The following FSD1L variants were observed in gnomAD, a reference collection of about 807,000 sequenced individuals.
FSD1L encodes FSD1-like protein.
Under a neutral mutation model 71.6 loss-of-function variants are expected in FSD1L, and 45 were observed. The ratio of observed to expected loss-of-function variants is 0.63; its 90% CI spans 0.49 to 0.81. The LOEUF (loss-of-function observed/expected upper bound fraction) is 0.81, where lower values mean the gene tolerates loss of function less well. Ranked by LOEUF, FSD1L falls within the 30% of genes least tolerant of loss-of-function variation. The pLI is 0.00. For synonymous variants in FSD1L, 197 were observed against 207.2 expected (o/e 0.95, Z 0.42); for missense variants, 561 against 618.1 (o/e 0.91, Z 0.98).
At chr9:105,494,801 G>C (rs1297720038) in intron 7 of FSD1L, among the ~76,000 whole-genome samples, 1 of 152,170 alleles carries the variant, frequency 6.6e-6, no homozygotes, top group Admixed American at 6.5e-5. Context: ...AGCAGCGGTG[G>C]CTGCAGAACA....
chr9:105,517,772 C>T (rs764333088), intron 10 of FSD1L, among the ~76,000 whole-genome samples: 18 of 152,186 alleles, frequency 1.2e-4, no homozygotes, highest in Non-Finnish European at 2.4e-4. Flanking sequence ...AAATAACCAG[C>T]TAGCATTATA....
At chr9:105,489,189 A>C (rs1003478876) in intron 7 of FSD1L, among the ~76,000 whole-genome samples, 3 of 152,162 alleles carry the variant, frequency 2.0e-5, no homozygotes, top group Middle Eastern at 3.2e-3. Flanking sequence ...CAGGTATACA[A>C]ATATAGCCAA....
intron 1 of FSD1L, among the ~76,000 whole-genome samples, chr9:105,460,770 A>G (rs1830641257): frequency 6.6e-6 from 1 of 152,112 alleles, no homozygotes; most frequent in Non-Finnish European, 1.5e-5. Context: ...TTTGACGTGG[A>G]CATTTGCACT....
At chr9:105,543,166 C>T (rs920864166) in intron 13 of FSD1L, among the ~76,000 whole-genome samples, 4 of 151,984 alleles carry the variant, frequency 2.6e-5, no homozygotes, top group African/African-American at 9.7e-5. Flanking sequence ...TTTCACAGTT[C>T]AGTAGATTCT....
In FSD1L at chr9:105,490,261, G is replaced by A. The variant is rs548041197; in HGVS notation, c.586+5759G>A. 4.1e-4 allele frequency among the ~76,000 whole-genome samples: 62 copies of A among 152,210 alleles called. 1 individual carries two copies. The highest frequency in any genetic ancestry group is 6.5e-4 in the Non-Finnish European group (44 of 67,988). Reference sequence around the variant, plus strand: ...TACATTTCTCTGATGGCCAGTGATGGTGAGCATTTTTTCATGTGTCTGTTG... The same window carrying A: ...TACATTTCTCTGATGGCCAGTGATGATGAGCATTTTTTCATGTGTCTGTTG... On this transcript the variant is annotated intron_variant, in intron 7 of 13. Coordinates refer to ENST00000481272, the MANE Select transcript of FSD1L (RefSeq NM_001145313.3).
rs894395586 is a variant in FSD1L at position 105,526,476 on chromosome 9, A to G, written c.1026-8017A>G. 122 of 1,612,358 alleles carry G rather than the reference A, an allele frequency of 7.6e-5. No individual in the cohort carries two copies. The African/African-American group carries it at 1.5e-3, about 19-fold the overall frequency. ...TCTCCAATGTCTCCTCGAACTAGCAAAAGCCGCATGTCCATGAAGCTGCGT... is the reference window on the plus strand; with the variant it reads ...TCTCCAATGTCTCCTCGAACTAGCAGAAGCCGCATGTCCATGAAGCTGCGT... On this transcript the variant is annotated intron_variant, in intron 10 of 13. Coordinates refer to ENST00000481272, the MANE Select transcript of FSD1L (RefSeq NM_001145313.3).
intron 10 of FSD1L, among the ~76,000 whole-genome samples, chr9:105,531,658 G>A (rs952954483): frequency 1.1e-4 from 17 of 152,328 alleles, no homozygotes; most frequent in Middle Eastern, 3.4e-3. Flanking sequence ...GGTGGAGGAA[G>A]ATTAATGTGC....
Position 105,453,506 on chromosome 9 carries a change from T to C in FSD1L, c.15+5271T>C, listed in dbSNP as rs1278646075. 5.3e-5 allele frequency among the ~76,000 whole-genome samples: 8 copies of C among 152,054 alleles called. No individual in the cohort carries two copies. In the East Asian group the frequency reaches 1.5e-3, roughly 29 times the overall value. On this transcript the variant is annotated intron_variant, in intron 1 of 13. Transcript: ENST00000481272. ...ACTATTTTTATTTTGTGTGTGTGTG[T>C]GTGTGCGTGTGTGTGCATGTCTGTC... is the stretch of plus-strand genomic sequence containing the variant.
At chr9:105,523,371 T>C (rs1208109396) in intron 10 of FSD1L, 8 of 1,604,944 alleles carry the variant, frequency 5.0e-6, no homozygotes, top group Non-Finnish European at 6.8e-6. Context: ...AATTAGTGAA[T>C]TTCCATCAGA....
intron 12 of FSD1L, among the ~76,000 whole-genome samples, chr9:105,536,902 GCAGGGATTACTGC>G (rs1025730206): frequency 1.3e-5 from 2 of 152,154 alleles, no homozygotes; most frequent in African/African-American, 4.8e-5. Flanking sequence ...CTCCCAAAGT[GCAGGGATTACTGC>G]CATGAGCCAC....
chr9:105,465,932 C>T (rs1330479091), intron 3 of FSD1L, among the ~76,000 whole-genome samples: 1 of 151,722 alleles, frequency 6.6e-6, no homozygotes, highest in Non-Finnish European at 1.5e-5. Context: ...AGTGCAATGC[C>T]GCAGTCTCAG....
intron 7 of FSD1L, among the ~76,000 whole-genome samples, chr9:105,490,971 A>G (rs1355734912): frequency 6.7e-6 from 1 of 149,568 alleles, no homozygotes; most frequent in African/African-American, 2.5e-5. Context: ...TTGGCTTAGG[A>G]TTGACTTGGC....
At chr9:105,495,044 C>G (rs1488661724) in intron 7 of FSD1L, among the ~76,000 whole-genome samples, 2 of 151,972 alleles carry the variant, frequency 1.3e-5, no homozygotes, top group Non-Finnish European at 2.9e-5. Context: ...CTGTCAGGGA[C>G]ATTGAAGTCT....
At position 105,448,097 on chromosome 9, in the gene FSD1L, C is replaced by A; in HGVS notation, c.-124C>A. 9.0e-7 allele frequency: 1 copy of A among 1,107,158 alleles called. No individual in the cohort carries two copies. The highest frequency in any genetic ancestry group is 1.3e-6 in the Non-Finnish European group (1 of 755,908). 68.6% of individuals were successfully genotyped at this position (1,107,158 alleles called of 1,614,324 possible). On this transcript the variant is annotated 5_prime_UTR_variant, in exon 1 of 14. Coordinates refer to ENST00000481272, the MANE Select transcript of FSD1L (RefSeq NM_001145313.3). ...CGGTCTGGGCGCGGACGGGTGGGGC[C>A]GGGCGGTGCCGGTGCGGGCTGGGGC...
rs142327663 is a variant in FSD1L at position 105,538,454 on chromosome 9, A to G, written c.1379-809A>G. Among the ~76,000 whole-genome samples the G allele has an allele frequency of 3.8e-3, 574 of 152,320 alleles. 6 individuals carry two copies. Among genetic ancestry groups the G allele is most frequent in the African/African-American group, 0.013 (542 of 41,576 alleles). On this transcript the variant is annotated intron_variant, in intron 12 of 13. Transcript: ENST00000481272. ...AGTGGCTACATTTAGAACAGGAAGA[A>G]AAGGAGGAGATGGTGAAGTTATCCC... is the stretch of plus-strand genomic sequence containing the variant.
chr9:105,474,678 C>T (rs1831680543), intron 5 of FSD1L, among the ~76,000 whole-genome samples: 1 of 152,128 alleles, frequency 6.6e-6, no homozygotes, highest in Admixed American at 6.5e-5. Context: ...CATTAAAGTG[C>T]TTAAATGAGA....
chr9:105,520,581 AT>A, intron 10 of FSD1L: 1 of 1,421,596 alleles, frequency 7.0e-7, no homozygotes, highest in Non-Finnish European at 9.9e-7. Flanking sequence ...ATAATATTGG[AT>A]TGATTTAAAG....
At chr9:105,482,342 AT>A (rs1164430976) in intron 6 of FSD1L, among the ~76,000 whole-genome samples, 1 of 152,190 alleles carries the variant, frequency 6.6e-6, no homozygotes, top group Non-Finnish European at 1.5e-5. Flanking sequence ...TAGTTGAGGT[AT>A]ATTGCAGGAG....
chr9:105,458,058 G>T (rs1319386328), intron 1 of FSD1L, among the ~76,000 whole-genome samples: 5 of 152,200 alleles, frequency 3.3e-5, no homozygotes, highest in Admixed American at 6.5e-5. Flanking sequence ...CTTGGCCAGT[G>T]GGAGTGGCAG....
Sources: gnomAD v4.1 joint callset for allele counts (sites outside exome capture counted in the v4.1 genomes callset) on GRCh38, gnomAD v4.1.1 for gene constraint, MANE v1.5 for transcripts, NCBI Gene and HGNC (gene_info 2026-07-23, HGNC 2026-07-21) for gene names.